The following SYT9 variants were observed in gnomAD, a reference collection of about 807,000 sequenced individuals.
SYT9 encodes the protein synaptotagmin 9.
A neutral mutation model predicts 48.4 loss-of-function variants in SYT9; 22 were observed. The observed-to-expected ratio is 0.45, with a 90% CI of 0.32 to 0.65. SYT9 has a LOEUF of 0.65. Among genes scored for constraint, SYT9 ranks in the 30% least tolerant of loss-of-function variants. The pLI is 0.03. For synonymous variants in SYT9, 265 were observed against 245.0 expected, an observed-to-expected ratio of 1.08 and a Z score of -0.76; for missense variants, 577 against 622.0, an observed-to-expected ratio of 0.93 and a Z score of 0.77.
chr11:7,263,211 T>C (rs1848111755), intron 1 of SYT9, among the ~76,000 whole-genome samples: 1 of 152,116 alleles, frequency 6.6e-6, no homozygotes, highest in African/African-American at 2.4e-5. Context: ...CAACAGACAT[T>C]TATTTCTCAC....
chr11:7,337,861 T>A (rs1344208794), intron 3 of SYT9, among the ~76,000 whole-genome samples: 4 of 152,214 alleles, frequency 2.6e-5, no homozygotes, highest in Non-Finnish European at 4.4e-5. Flanking sequence ...GATATCAGGA[T>A]GATGCTGGCA....
chr11:7,339,936 A>G (rs1174757463), intron 3 of SYT9, among the ~76,000 whole-genome samples: 2 of 152,224 alleles, frequency 1.3e-5, no homozygotes, highest in Non-Finnish European at 2.9e-5. Context: ...CATGGACAAT[A>G]TCCTGAAATA....
At chr11:7,247,631 G>A (rs2346803), upstream of SYT9, among the ~76,000 whole-genome samples, 84,752 of 144,262 alleles carry the variant, frequency 0.59, 26,113 homozygotes, top group Non-Finnish European at 0.68. Flanking sequence ...ATATATACGT[G>A]TATATATACG....
rs374122353 is a variant in SYT9, at chr11:7,288,964, G to C, written c.146-14075G>C. ...ATAGAGAGTGTCTCATGGCAATGCT[G>C]CTTGGACCCCTGGTGATACAGGATG... On this transcript the variant is annotated intron_variant, in intron 1 of 6. Coordinates refer to ENST00000318881, the MANE Select transcript of SYT9 (RefSeq NM_175733.4). 2.0e-5 allele frequency among the ~76,000 whole-genome samples: 3 copies of C among 152,334 alleles called. No individual in the cohort carries two copies. The East Asian group carries it at 5.8e-4, about 29-fold the overall frequency.
chr11:7,288,440 A>C (rs1306618972), intron 1 of SYT9, among the ~76,000 whole-genome samples: 1 of 152,222 alleles, frequency 6.6e-6, no homozygotes, highest in African/African-American at 2.4e-5. Context: ...ACATCACCCA[A>C]ATGTCTTCCA....
chr11:7,303,157 C>G lies in SYT9; in HGVS notation c.264C>G (p.Pro88=), dbSNP rs369887588. Residue 88 remains proline, a synonymous_variant, in exon 2 of 7, where the codon CCC becomes CCG. Transcript: ENST00000318881. ...CWVPWRERGL[P]SGSKDNNQEP... ...TTCCGTGGCGAGAACGAGGCCTGCC[C>G]TCTGGTAGCAAAGACAACAACCAGG... is the stretch of plus-strand genomic sequence containing the variant. 6.2e-7 allele frequency: 1 copy of G among 1,614,192 alleles called. No homozygotes were observed.
chr11:7,431,400 A>C (rs1004630670), intron 6 of SYT9, among the ~76,000 whole-genome samples: 2 of 152,228 alleles, frequency 1.3e-5, no homozygotes, highest in African/African-American at 4.8e-5. Context: ...TTTAAACAAG[A>C]AGCAGAGTGT....
chr11:7,278,533 G>GC (rs1225225079), intron 1 of SYT9, among the ~76,000 whole-genome samples: 15 of 152,172 alleles, frequency 9.9e-5, no homozygotes, highest in Non-Finnish European at 1.9e-4. Flanking sequence ...AACTGAAGCT[G>GC]CCCCTCATTC....
intron 1 of SYT9, among the ~76,000 whole-genome samples, chr11:7,287,294 ACAGCATGGAGGTAAC>A (rs1313650426): frequency 3.9e-5 from 6 of 152,202 alleles, no homozygotes; most frequent in Admixed American, 3.9e-4. Flanking sequence ...TATCACAAGA[ACAGCATGGAGGTAAC>A]CACCCCCATG....
At chr11:7,284,424 T>A (rs765764747) in intron 1 of SYT9, among the ~76,000 whole-genome samples, 3 of 152,188 alleles carry the variant, frequency 2.0e-5, no homozygotes, top group Non-Finnish European at 2.9e-5. Flanking sequence ...TATGTAAATG[T>A]TGAGCCCTTT....
At chr11:7,282,773 A>G (rs1032417124) in intron 1 of SYT9, among the ~76,000 whole-genome samples, 2 of 152,036 alleles carry the variant, frequency 1.3e-5, no homozygotes, top group African/African-American at 4.8e-5. Flanking sequence ...TGATCCCTTT[A>G]TGGATCCCTG....
chr11:7,432,582 AATATATATACATATATAT>A (rs1847620002), intron 6 of SYT9, among the ~76,000 whole-genome samples: 6 of 3,510 alleles, frequency 1.7e-3, no homozygotes, highest in Admixed American at 3.7e-3. Flanking sequence ...AAAAAAAAAA[AATATATATACATATATAT>A]ATATATATAT....
chr11:7,431,113 A>G lies in SYT9; in HGVS notation c.1467+10478A>G, dbSNP rs187166674. On this transcript the variant is annotated intron_variant, in intron 6 of 6. Coordinates refer to ENST00000318881, the MANE Select transcript of SYT9 (RefSeq NM_175733.4). ...AGGGACTGGTTAAATGGTTGTGACC[A>G]ATATGCTGATAGTAATATGGACAGT... 1.8e-4 allele frequency among the ~76,000 whole-genome samples: 27 copies of G among 152,354 alleles called. No individual in the cohort carries two copies. In the East Asian group the frequency reaches 5.0e-3, roughly 28 times the overall value.
At chr11:7,423,608 G>A (rs1385346946) in intron 6 of SYT9, among the ~76,000 whole-genome samples, 2 of 152,306 alleles carry the variant, frequency 1.3e-5, no homozygotes, top group East Asian at 3.9e-4. Flanking sequence ...ACTCAGTAAA[G>A]TTTTCAGTTA....
chr11:7,447,010 C>G (rs547869999), intron 6 of SYT9, among the ~76,000 whole-genome samples: 6 of 152,256 alleles, frequency 3.9e-5, no homozygotes, highest in Non-Finnish European at 7.3e-5. Flanking sequence ...TTTTGCTTCA[C>G]TATTTGCAGT....
chr11:7,320,694 G>A (rs1166872910), intron 3 of SYT9, among the ~76,000 whole-genome samples: 1 of 152,188 alleles, frequency 6.6e-6, no homozygotes, highest in Non-Finnish European at 1.5e-5. Context: ...TCTCCAAGGA[G>A]AGTGTGAGTT....
chr11:7,289,161 TCAG>T, intron 1 of SYT9, among the ~76,000 whole-genome samples: 1 of 152,204 alleles, frequency 6.6e-6, no homozygotes, highest in Admixed American at 6.5e-5. Flanking sequence ...CCCTCTTTCC[TCAG>T]TATTTGTTCA....
chr11:7,259,116 G>A (rs2171456), intron 1 of SYT9, among the ~76,000 whole-genome samples: 79,362 of 151,828 alleles, frequency 0.52, 20,937 homozygotes, highest in Admixed American at 0.56. Flanking sequence ...GTAGAACTGG[G>A]CATCCTATAT....
At chr11:7,330,364 A>G (rs1589949929) in intron 3 of SYT9, among the ~76,000 whole-genome samples, 2 of 152,138 alleles carry the variant, frequency 1.3e-5, no homozygotes, top group South Asian at 4.1e-4. Context: ...TGGAGAACAA[A>G]TCAACATTTG....
Sources: gnomAD v4.1 joint callset for allele counts (sites outside exome capture counted in the v4.1 genomes callset) on GRCh38, gnomAD v4.1.1 for gene constraint, MANE v1.5 for transcripts, NCBI Gene and HGNC (gene_info 2026-07-23, HGNC 2026-07-21) for gene names.